The following LIPI variants were observed in gnomAD, a reference collection of about 807,000 sequenced individuals.
The protein encoded by LIPI is lipase I, also known as lipase member I.
In LIPI, 59 loss-of-function variants were observed where a neutral mutation model predicts 50.6. The ratio of observed to expected loss-of-function variants is 1.16; its 90% CI spans 0.94 to 1.45. LIPI has a LOEUF of 1.45. Among genes scored for constraint, LIPI ranks in the 40% most tolerant of loss-of-function variants. LIPI has a pLI of 0.00. For missense variants in LIPI, 586 were observed against 536.3 expected (o/e 1.09, Z -0.92); for synonymous variants, 203 against 178.2 (o/e 1.14, Z -1.11).
intron 9 of LIPI, among the ~76,000 whole-genome samples, chr21:14,109,910 C>T (rs943183811): frequency 6.6e-5 from 10 of 151,376 alleles, no homozygotes; most frequent in Non-Finnish European, 1.5e-5. Flanking sequence ...TCTTTTTTAT[C>T]TTATGTTTAA....
chr21:14,114,497 C>A (rs1300068723), intron 9 of LIPI, among the ~76,000 whole-genome samples: 2 of 152,154 alleles, frequency 1.3e-5, no homozygotes, highest in Non-Finnish European at 1.5e-5. Flanking sequence ...AGACTCCACC[C>A]CCTTATGTTC....
intron 2 of LIPI, 82 bp downstream of exon 2, chr21:14,188,952 A>G (rs2019549260): frequency 8.7e-7 from 1 of 1,148,404 alleles, no homozygotes; most frequent in African/African-American, 1.5e-5. Flanking sequence ...ACTTTGTGGT[A>G]TTGAATGTAA....
At chr21:14,194,695 G>A (rs2019785613) in intron 1 of LIPI, among the ~76,000 whole-genome samples, 1 of 152,162 alleles carries the variant, frequency 6.6e-6, no homozygotes, top group Non-Finnish European at 1.5e-5. Context: ...GATGGGTACA[G>A]AATTTGAGTT....
chr21:14,128,292 A>G (rs1169195659), intron 9 of LIPI, among the ~76,000 whole-genome samples: 1 of 152,112 alleles, frequency 6.6e-6, no homozygotes, highest in Non-Finnish European at 1.5e-5. Context: ...GGAATAATTG[A>G]CTATATTTCT....
chr21:14,139,505 G>A (rs2017626456), intron 9 of LIPI, among the ~76,000 whole-genome samples: 1 of 151,960 alleles, frequency 6.6e-6, no homozygotes, highest in Non-Finnish European at 1.5e-5. Flanking sequence ...TGCCCAATAT[G>A]TACCAGGCAC....
intron 9 of LIPI, among the ~76,000 whole-genome samples, chr21:14,110,278 C>A (rs1165485324): frequency 6.6e-6 from 1 of 151,826 alleles, no homozygotes; most frequent in Non-Finnish European, 1.5e-5. Flanking sequence ...ATCACCACAT[C>A]TGTCCATTTA....
chr21:14,207,322 AG>A (rs1164335502), intron 1 of LIPI, among the ~76,000 whole-genome samples: 1 of 152,204 alleles, frequency 6.6e-6, no homozygotes, highest in African/African-American at 2.4e-5. Context: ...CCCAACATAA[AG>A]AAATGGTAAC....
chr21:14,130,145 T>C (rs1195037839), intron 9 of LIPI, among the ~76,000 whole-genome samples: 2 of 152,146 alleles, frequency 1.3e-5, no homozygotes, highest in Non-Finnish European at 2.9e-5. Flanking sequence ...CCAGTCCCCA[T>C]ATTCTCCCAA....
chr21:14,140,028 T>C (rs2017647168), intron 9 of LIPI, among the ~76,000 whole-genome samples: 1 of 152,150 alleles, frequency 6.6e-6, no homozygotes, highest in African/African-American at 2.4e-5. Flanking sequence ...ATATGAAGTG[T>C]GAAGGCAAGA....
chr21:14,120,430 A>T (rs2016820515), intron 9 of LIPI, among the ~76,000 whole-genome samples: 1 of 152,182 alleles, frequency 6.6e-6, no homozygotes, highest in African/African-American at 2.4e-5. Flanking sequence ...AAAGAAAGAG[A>T]ACTGTTAACT....
intron 4 of LIPI, among the ~76,000 whole-genome samples, chr21:14,173,263 CT>C (rs1271249530): frequency 6.6e-6 from 1 of 152,208 alleles, no homozygotes; most frequent in Non-Finnish European, 1.5e-5. Flanking sequence ...TGATGATTTG[CT>C]TTCACTTTTG....
chr21:14,184,423 A>C (rs1356441028), intron 3 of LIPI, among the ~76,000 whole-genome samples: 2 of 152,144 alleles, frequency 1.3e-5, no homozygotes, highest in African/African-American at 4.8e-5. Flanking sequence ...ACATGTATAC[A>C]TATGTAACAA....
chr21:14,153,467 C>T (rs913920077), intron 7 of LIPI, among the ~76,000 whole-genome samples: 1 of 152,200 alleles, frequency 6.6e-6, no homozygotes, highest in Non-Finnish European at 1.5e-5. Context: ...CAGATTATTT[C>T]TGACAGCACA....
At position 14,198,824 on chromosome 21, in the gene LIPI, A is replaced by G. The variant is rs183722116; in HGVS notation, c.47-9405T>C. ...GAATACACATTTTTTTCAAGGCCAC[A>G]TGGCAAATAGTCTAAAATCAGACAC... On this transcript the variant is annotated intron_variant, in intron 1 of 9. Coordinates refer to ENST00000681601, the MANE Select transcript of LIPI (RefSeq NM_001302998.2). Among the ~76,000 whole-genome samples the G allele has an allele frequency of 3.3e-5, 5 of 152,222 alleles. No homozygotes were observed. The East Asian group carries it at 5.8e-4, about 18-fold the overall frequency.
chr21:14,196,513 G>A (rs2019860736), intron 1 of LIPI, among the ~76,000 whole-genome samples: 1 of 152,078 alleles, frequency 6.6e-6, no homozygotes, highest in Admixed American at 6.6e-5. Flanking sequence ...CACATAAGAA[G>A]TATGGTGCAC....
intron 9 of LIPI, among the ~76,000 whole-genome samples, chr21:14,131,638 A>C (rs1375104586): frequency 6.6e-6 from 1 of 150,922 alleles, no homozygotes; most frequent in South Asian, 2.1e-4. Context: ...CAGTAGAAGG[A>C]CACAGAAACA....
At chr21:14,168,220 G>T (rs939060671) in intron 4 of LIPI, among the ~76,000 whole-genome samples, 1 of 152,200 alleles carries the variant, frequency 6.6e-6, no homozygotes, top group African/African-American at 2.4e-5. Flanking sequence ...TATGTGAAAA[G>T]ACCAAATCTA....
intron 9 of LIPI, among the ~76,000 whole-genome samples, chr21:14,118,981 G>T (rs1359968842): frequency 4.0e-5 from 6 of 151,850 alleles, no homozygotes; most frequent in African/African-American, 1.4e-4. Flanking sequence ...ACGAGGTGGT[G>T]GCTACACTGC....
At chr21:14,145,514 G>C (rs2017870267) in intron 8 of LIPI, among the ~76,000 whole-genome samples, 1 of 152,088 alleles carries the variant, frequency 6.6e-6, no homozygotes, top group Admixed American at 6.6e-5. Flanking sequence ...ATGACCCCAA[G>C]AGGAACTCCA....
Sources: gnomAD v4.1 joint callset for allele counts (sites outside exome capture counted in the v4.1 genomes callset) on GRCh38, gnomAD v4.1.1 for gene constraint, MANE v1.5 for transcripts, NCBI Gene and HGNC (gene_info 2026-07-23, HGNC 2026-07-21) for gene names.